JMY: variants seen among roughly 807,000 people sequenced by gnomAD.
JMY encodes the protein junction-mediating and -regulatory protein.
A neutral mutation model predicts 103.3 loss-of-function variants in JMY; 46 were observed. The ratio of observed to expected loss-of-function variants is 0.45; its 90% CI spans 0.35 to 0.57. JMY has a LOEUF of 0.57. Among genes scored for constraint, JMY ranks in the 20% least tolerant of loss-of-function variants. The probability of loss-of-function intolerance (pLI) is 0.00; values close to 1 mark genes in which losing one functional copy is unlikely to be tolerated. For missense variants in JMY, 1,238 were observed against 1,255.2 expected (o/e 0.99, Z 0.21); for synonymous variants, 526 against 489.3 (o/e 1.07, Z -0.99).
At chr5:79,308,894 C>A (rs933864771) in intron 7 of JMY, among the ~76,000 whole-genome samples, 8 of 152,034 alleles carry the variant, frequency 5.3e-5, no homozygotes, top group Admixed American at 1.3e-4. Context: ...ATCTTGTACA[C>A]CTTTTGTAAG....
chr5:79,272,336 A>C (rs920085324), intron 1 of JMY, among the ~76,000 whole-genome samples: 2 of 152,132 alleles, frequency 1.3e-5, no homozygotes, highest in Non-Finnish European at 2.9e-5. Flanking sequence ...TAAATTAAAG[A>C]GTTTAGTCCA....
At chr5:79,288,338 C>G (rs1746327008) in intron 2 of JMY, among the ~76,000 whole-genome samples, 1 of 152,154 alleles carries the variant, frequency 6.6e-6, no homozygotes, top group African/African-American at 2.4e-5. Context: ...TCTCGCATGC[C>G]TTTTCAGTGG....
chr5:79,301,133 C>T (rs1413500886), intron 6 of JMY, among the ~76,000 whole-genome samples: 1 of 152,128 alleles, frequency 6.6e-6, no homozygotes, highest in Admixed American at 6.6e-5. Context: ...TCCTGGCTCC[C>T]TTTTTATTTA....
intron 1 of JMY, among the ~76,000 whole-genome samples, chr5:79,238,864 C>T (rs10061497): frequency 0.29 from 43,654 of 151,828 alleles, 7,616 homozygotes; most frequent in South Asian, 0.45. Flanking sequence ...GGGGTTTCAC[C>T]ATCTTGGCCA....
chr5:79,309,946 G>A (rs1435876421), intron 7 of JMY, among the ~76,000 whole-genome samples: 1 of 151,890 alleles, frequency 6.6e-6, no homozygotes, highest in African/African-American at 2.4e-5. Flanking sequence ...TTTTGGTGGA[G>A]GGGAAGAACT....
At chr5:79,263,669 G>A (rs748461534) in intron 1 of JMY, among the ~76,000 whole-genome samples, 4 of 151,210 alleles carry the variant, frequency 2.6e-5, no homozygotes, top group Non-Finnish European at 5.9e-5. Context: ...GTGAGCCACC[G>A]CCTGTGGCCA....
rs1166165338 is a variant in JMY at position 79,237,455 on chromosome 5, G to C, written c.805G>C (p.Val269Leu). The C allele has an allele frequency of 6.2e-7, 1 of 1,607,554 alleles. No individual in the cohort carries two copies. Among genetic ancestry groups the C allele is most frequent in the South Asian group, 1.1e-5 (1 of 90,694 alleles). ...FPEEPSGMWT[V>L]LFGGAPEMTE... is the part of the protein sequence containing the mutation. ...CGAGGAACCTTCGGGCATGTGGACT[G>C]TGCTGTTTGGGGGCGCCCCCGAGAT... The change falls in exon 1 of 11, where the codon GTG becomes CTG. Residue 269 changes from valine (V) to leucine (L), a missense_variant. Coordinates refer to ENST00000396137, the MANE Select transcript of JMY (RefSeq NM_152405.5).
chr5:79,239,686 C>CTGTA (rs893632763), intron 1 of JMY, among the ~76,000 whole-genome samples: 18 of 151,942 alleles, frequency 1.2e-4, no homozygotes, highest in Non-Finnish European at 1.9e-4. Context: ...TGGCGGGCAC[C>CTGTA]TGTAGTCCTA....
intron 7 of JMY, among the ~76,000 whole-genome samples, chr5:79,308,003 C>T (rs1379085426): frequency 6.6e-6 from 1 of 152,160 alleles, no homozygotes; most frequent in African/African-American, 2.4e-5. Context: ...TCCAAATGTG[C>T]TGGGATTACA....
chr5:79,238,280 C>T (rs770201302), intron 1 of JMY, among the ~76,000 whole-genome samples: 1 of 151,976 alleles, frequency 6.6e-6, no homozygotes, highest in Non-Finnish European at 1.5e-5. Flanking sequence ...CAGGTCTTTA[C>T]AGATGGCTCA....
chr5:79,316,069 A>T lies in JMY; in HGVS notation c.2729A>T (p.Gln910Leu), dbSNP rs375133982. The change falls in exon 10 of 11, where the codon CAG (glutamine) becomes CTG (leucine). Residue 910 changes from glutamine (Q) to leucine (L), a missense_variant. Gln to Leu is a moderately radical substitution (Grantham distance 113). Transcript: ENST00000396137. ...AGTTTTCATCTGAAAAAGGTTGAAC[A>T]GCGAACTCTGCCTCCTTTTCCTGAT... ...RGSFHLKKVE[Q>L]RTLPPFPDED... 6.2e-7 allele frequency: 1 copy of T among 1,614,116 alleles called. No homozygotes were observed. Among genetic ancestry groups the T allele is most frequent in the Non-Finnish European group, 8.5e-7 (1 of 1,180,028 alleles).
rs1747568789 is a variant in JMY, at chr5:79,324,534, ACTGT to A, written c.*2934_*2937del. The A allele has an allele frequency of 6.6e-6, 1 of 152,214 alleles. No homozygotes were observed. The highest frequency in any genetic ancestry group is 6.5e-5 in the Admixed American group (1 of 15,272). The allele number at this position is 152,214 out of a possible 1,614,324, so 9.4% of individuals were successfully genotyped here. A position where few individuals can be genotyped will look rare whatever the true frequency, so the allele number is the denominator to read the frequency against. ...TGAGATTAATGTTACTGCCCACTTGACTGTCAATTTCAAATGGCTCCTAATGCAA... is the reference window on the plus strand; with the variant it reads ...TGAGATTAATGTTACTGCCCACTTGACAATTTCAAATGGCTCCTAATGCAA... On this transcript the variant is annotated 3_prime_UTR_variant, in exon 11 of 11. Coordinates refer to ENST00000396137, the MANE Select transcript of JMY (RefSeq NM_152405.5).
chr5:79,282,570 C>T (rs987592306), intron 2 of JMY, among the ~76,000 whole-genome samples: 3 of 152,022 alleles, frequency 2.0e-5, no homozygotes, highest in African/African-American at 7.2e-5. Flanking sequence ...TAGTGCTTCA[C>T]TATTGAAGAA....
intron 1 of JMY, among the ~76,000 whole-genome samples, chr5:79,267,142 G>A (rs1446265340): frequency 6.6e-6 from 1 of 152,100 alleles, no homozygotes; most frequent in East Asian, 1.9e-4. Flanking sequence ...TGGTACATTT[G>A]TTATAATTTA....
intron 4 of JMY, among the ~76,000 whole-genome samples, chr5:79,292,804 T>TGG (rs11308059): frequency 6.6e-6 from 1 of 151,364 alleles, no homozygotes; most frequent in Non-Finnish European, 1.5e-5. Flanking sequence ...TCTTGGGGAG[T>TGG]GGGGGGGGTC....
At chr5:79,294,859 A>C (rs923454840) in intron 4 of JMY, among the ~76,000 whole-genome samples, 2 of 124,778 alleles carry the variant, frequency 1.6e-5, no homozygotes, top group Admixed American at 7.6e-5. Flanking sequence ...ACTCTGTCTC[A>C]AAAAAAAAAA....
chr5:79,303,360 GC>G (rs1746794147), intron 6 of JMY, among the ~76,000 whole-genome samples: 1 of 152,174 alleles, frequency 6.6e-6, no homozygotes, highest in Admixed American at 6.5e-5. Context: ...ACTGTGCCCA[GC>G]CTGAGGAGGG....
intron 1 of JMY, among the ~76,000 whole-genome samples, chr5:79,274,414 GT>G (rs1385613616): frequency 6.7e-6 from 1 of 149,734 alleles, no homozygotes; most frequent in Non-Finnish European, 1.5e-5. Flanking sequence ...TTGTTTGTTT[GT>G]TTGTTTTTAA....
chr5:79,236,674 G>A lies in JMY; in HGVS notation c.24G>A (p.Thr8=). Residue 8 remains threonine (T), a synonymous_variant, in exon 1 of 11, where the codon ACG becomes ACA. Coordinates refer to ENST00000396137, the MANE Select transcript of JMY (RefSeq NM_152405.5). ...CCATGTCGTTCGCGCTGGAGGAGAC[G>A]CTCGAGTCGGACTGGGTGGCTGTGC... is the stretch of plus-strand genomic sequence containing the variant. The part of the protein sequence containing the change: MSFALEE[T]LESDWVAVRP... 1.4e-6 allele frequency: 2 copies of A among 1,473,902 alleles called. No individual in the cohort carries two copies. Among genetic ancestry groups the A allele is most frequent in the Non-Finnish European group, 9.0e-7 (1 of 1,106,364 alleles). The allele number at this position is 1,473,902 out of a possible 1,614,324, so 91.3% of individuals were successfully genotyped here. A position where few individuals can be genotyped will look rare whatever the true frequency, so the allele number is the denominator to read the frequency against.
Sources: gnomAD v4.1 joint callset for allele counts (sites outside exome capture counted in the v4.1 genomes callset) on GRCh38, gnomAD v4.1.1 for gene constraint, MANE v1.5 for transcripts, NCBI Gene and HGNC (gene_info 2026-07-23, HGNC 2026-07-21) for gene names.